The following PRDM15 variants were observed in gnomAD, a reference collection of about 807,000 sequenced individuals.
PRDM15 encodes the protein PR/SET domain 15.
In PRDM15, 64 loss-of-function variants were observed where a neutral mutation model predicts 128.6. The ratio of observed to expected loss-of-function variants is 0.50; its 90% CI spans 0.41 to 0.61. The LOEUF (loss-of-function observed/expected upper bound fraction) is 0.61, where lower values mean the gene tolerates loss of function less well. Ranked by LOEUF, PRDM15 falls within the 20% of genes least tolerant of loss-of-function variation. The pLI is 0.00. For synonymous variants in PRDM15, 615 were observed against 621.8 expected, an observed-to-expected ratio of 0.99 and a Z score of 0.16; for missense variants, 1,242 against 1,569.1, an observed-to-expected ratio of 0.79 and a Z score of 3.52.
chr21:41,826,895 C>T (rs1400507327), intron 12 of PRDM15, among the ~76,000 whole-genome samples: 2 of 152,184 alleles, frequency 1.3e-5, no homozygotes, highest in Non-Finnish European at 2.9e-5. Flanking sequence ...ACCCGAGTTA[C>T]ATTAAACTGT....
At chr21:41,834,260 A>C (rs77977983) in intron 11 of PRDM15, among the ~76,000 whole-genome samples, 3,343 of 152,186 alleles carry the variant, frequency 0.022, 118 homozygotes, top group African/African-American at 0.076. Context: ...TTCAAATAGG[A>C]GCCCTCAGAG....
intron 18 of PRDM15, among the ~76,000 whole-genome samples, chr21:41,818,316 G>A (rs2062124410): frequency 6.6e-6 from 1 of 152,252 alleles, no homozygotes; most frequent in Non-Finnish European, 1.5e-5. Flanking sequence ...GGCAGACATT[G>A]CTACTGACAT....
rs1041730832 is a variant in PRDM15 at position 41,800,899 on chromosome 21, C to A, written c.*341G>T. 13 of 267,340 alleles carry A rather than the reference C, an allele frequency of 4.9e-5. No individual in the cohort carries two copies. Among genetic ancestry groups the A allele is most frequent in the African/African-American group, 2.6e-4 (12 of 45,546 alleles). The allele number at this position is 267,340 out of a possible 1,614,324, so 16.6% of individuals were successfully genotyped here. A position where few individuals can be genotyped will look rare whatever the true frequency, so the allele number is the denominator to read the frequency against. On this transcript the variant is annotated 3_prime_UTR_variant, in exon 24 of 24. Coordinates refer to ENST00000398548, the MANE Select transcript of PRDM15 (RefSeq NM_001040424.3). ...TAACTTATCTCCTGCCTCTTAAAAT[C>A]CTGCTTCTCTCTCAGCTTCACTTTC...
intron 1 of PRDM15, among the ~76,000 whole-genome samples, chr21:41,865,951 G>C (rs377399770): frequency 6.6e-6 from 1 of 151,966 alleles, no homozygotes; most frequent in East Asian, 1.9e-4. Flanking sequence ...CACTATGTTG[G>C]CCAGACTGGT....
At chr21:41,848,229 T>C (rs982633485) in intron 5 of PRDM15, among the ~76,000 whole-genome samples, 3 of 152,242 alleles carry the variant, frequency 2.0e-5, no homozygotes, top group Non-Finnish European at 2.9e-5. Flanking sequence ...AAAAAACATG[T>C]ATCTTTTCAT....
intron 19 of PRDM15, chr21:41,814,624 T>C (rs1380369062): frequency 7.2e-6 from 1 of 139,666 alleles, no homozygotes; most frequent in Admixed American, 7.2e-5. Context: ...GGTGCTCTAG[T>C]GTTTTATGAG....
At chr21:41,823,544 A>C in intron 13 of PRDM15, 95 bp from the exon 14 acceptor site, 1 of 1,362,542 alleles carries the variant, frequency 7.3e-7, no homozygotes, top group Non-Finnish European at 9.9e-7. Context: ...ACAACCCGGG[A>C]CGGAAACACA....
At chr21:41,866,076 A>G (rs905221324) in intron 1 of PRDM15, among the ~76,000 whole-genome samples, 2 of 152,184 alleles carry the variant, frequency 1.3e-5, no homozygotes, top group African/African-American at 4.8e-5. Context: ...ACAGAAGCTT[A>G]AAAGTGACTT....
Position 41,862,298 on chromosome 21 carries a change from T to C in PRDM15, c.-9-1926A>G, listed in dbSNP as rs73906107. Among the ~76,000 whole-genome samples, 193 of 152,240 alleles carry C rather than the reference T, an allele frequency of 1.3e-3. No homozygotes were observed. Among genetic ancestry groups the C allele is most frequent in the African/African-American group, 4.5e-3 (186 of 41,538 alleles). On this transcript the variant is annotated intron_variant, in intron 1 of 23. Transcript: ENST00000398548. The surrounding 1 kb of genome is among the most constrained non-coding windows in gnomAD (Gnocchi z 4.1). Reference sequence around the variant, plus strand: ...AGAACACAGAGTCCCAACAAAGGTATTGGAATCGGAGTGGGAGGATGGAAG... The same window carrying C: ...AGAACACAGAGTCCCAACAAAGGTACTGGAATCGGAGTGGGAGGATGGAAG...
chr21:41,818,607 T>C (rs28360601), intron 18 of PRDM15, among the ~76,000 whole-genome samples: 78,163 of 151,946 alleles, frequency 0.51, 21,902 homozygotes, highest in Non-Finnish European at 0.63. Flanking sequence ...GCAGTTCTTT[T>C]AGGCTTTGAC....
At chr21:41,834,670 A>G in intron 11 of PRDM15, 2 of 859,698 alleles carry the variant, frequency 2.3e-6, no homozygotes, top group Admixed American at 4.1e-5. Context: ...GGAATGGGGA[A>G]GGTGTGACTC....
At chr21:41,820,000 G>A (rs28360602) in intron 17 of PRDM15, 95 bp downstream of exon 17, 212,762 of 1,062,360 alleles carry the variant, frequency 0.2, 22,637 homozygotes, top group Admixed American at 0.25. Context: ...AAGGTGCGAC[G>A]GCTCTGTGTG....
chr21:41,816,166 ATT>A (rs2062044892), intron 18 of PRDM15, among the ~76,000 whole-genome samples: 1 of 152,256 alleles, frequency 6.6e-6, no homozygotes. Context: ...TGAGAGATAG[ATT>A]AATACAAGCA....
At chr21:41,878,810 CGCCGCCCGGCGGCGGGG>C in intron 1 of PRDM15, 2 of 1,192,396 alleles carry the variant, frequency 1.7e-6, no homozygotes, top group Non-Finnish European at 1.0e-6. Flanking sequence ...TCGGCGACGA[CGCCGCCCGGCGGCGGGG>C]GCCGCGGGGC....
At position 41,828,447 on chromosome 21, in the gene PRDM15, G is replaced by T; in HGVS notation, c.1367-114C>A. 1 of 1,024,924 alleles carries T rather than the reference G, an allele frequency of 9.8e-7. No individual in the cohort carries two copies. The highest frequency in any genetic ancestry group is 1.5e-6 in the Non-Finnish European group (1 of 669,260). The allele number at this position is 1,024,924 out of a possible 1,614,324, so 63.5% of individuals were successfully genotyped here. A position where few individuals can be genotyped will look rare whatever the true frequency, so the allele number is the denominator to read the frequency against. ...CGCGGGTGACGGGCATGAGAGTCAC[G>T]GGGATGCGTGGCCAGGAAGAAAACA... On this transcript the variant is annotated intron_variant, in intron 11 of 23. Coordinates refer to ENST00000398548, the MANE Select transcript of PRDM15 (RefSeq NM_001040424.3). This position sits in a 1 kb window ranked among gnomAD's most constrained non-coding sequence, Gnocchi z 5.7.
chr21:41,852,673 C>T lies in PRDM15; in HGVS notation c.538+1893G>A, dbSNP rs1001928018. ...ACTCAGCTCACTTTACCAACCTGGC[C>T]GAAGAGGACGCCGCCACCGCTGCAG... On this transcript the variant is annotated intron_variant, in intron 5 of 23. Transcript: ENST00000398548. 8.5e-5 allele frequency among the ~76,000 whole-genome samples: 13 copies of T among 152,194 alleles called. 1 individual carries two copies. The highest frequency in any genetic ancestry group is 1.2e-4 in the Non-Finnish European group (8 of 68,030).
In PRDM15 at chr21:41,872,757, G is replaced by A. The variant is rs546617558; in HGVS notation, c.-10+6513C>T. 2.0e-5 allele frequency among the ~76,000 whole-genome samples: 3 copies of A among 152,326 alleles called. No homozygotes were observed. In the East Asian group the frequency reaches 5.8e-4, roughly 29 times the overall value. The stretch of plus-strand genomic sequence containing the variant: ...AGGTCGGGGGATGGTGAGGGCCAAA[G>A]AGAGCACAAAACGCACACTCCTGGG... On this transcript the variant is annotated intron_variant, in intron 1 of 23. Coordinates refer to ENST00000398548, the MANE Select transcript of PRDM15 (RefSeq NM_001040424.3).
intron 7 of PRDM15, 136 bp from the exon 8 acceptor site, chr21:41,838,199 G>C (rs2062959077): frequency 1.2e-6 from 1 of 844,210 alleles, no homozygotes; most frequent in Non-Finnish European, 1.8e-6. Context: ...GTTTACAGAG[G>C]GGAAAAAAAA....
intron 3 of PRDM15, among the ~76,000 whole-genome samples, chr21:41,858,527 C>T (rs568831036): frequency 1.0e-4 from 15 of 150,304 alleles, no homozygotes; most frequent in East Asian, 4.0e-4. Context: ...CCGACAGAGG[C>T]GGACATTGGG....
Sources: allele counts gnomAD v4.1 joint callset (sites outside exome capture counted in the v4.1 genomes callset), GRCh38; gene constraint gnomAD v4.1.1; non-coding constraint Gnocchi (gnomAD v3.1); transcripts MANE v1.5; gene names NCBI Gene and HGNC (gene_info 2026-07-23, HGNC 2026-07-21).